CACNA1B: variants seen among roughly 807,000 people sequenced by gnomAD.
CACNA1B encodes the protein calcium voltage-gated channel subunit alpha1 B.
CACNA1B carries 70 observed loss-of-function variants against 247.2 expected under a neutral mutation model. The ratio of observed to expected loss-of-function variants is 0.28; its 90% CI spans 0.23 to 0.35. The LOEUF (loss-of-function observed/expected upper bound fraction) is 0.35. CACNA1B is among the 10% of genes least tolerant of loss of function. CACNA1B has a pLI of 1.00. For missense variants in CACNA1B, 2,367 were observed against 3,197.4 expected (o/e 0.74, Z 6.26); for synonymous variants, 1,231 against 1,294.4 (o/e 0.95, Z 1.05).
chr9:137,999,416 G>C (rs147766089), intron 15 of CACNA1B, among the ~76,000 whole-genome samples: 2 of 150,760 alleles, frequency 1.3e-5, no homozygotes, highest in Non-Finnish European at 3.0e-5. Context: ...ATTTAGAACT[G>C]AACAGTATCA....
chr9:138,094,457 A>AAG (rs1554757334), intron 36 of CACNA1B, among the ~76,000 whole-genome samples: 1 of 134,836 alleles, frequency 7.4e-6, no homozygotes, highest in Admixed American at 7.4e-5. Flanking sequence ...AAAAAAAAAA[A>AAG]AAGAAGAAGA....
intron 36 of CACNA1B, among the ~76,000 whole-genome samples, chr9:138,087,809 A>G (rs1487698110): frequency 6.6e-6 from 1 of 151,760 alleles, no homozygotes; most frequent in Non-Finnish European, 1.5e-5. Flanking sequence ...AACTTGAACC[A>G]GGGGCAGGGT....
Position 137,922,727 on chromosome 9 carries a change from G to A in CACNA1B, c.966+5296G>A, listed in dbSNP as rs114866106. Reference sequence around the variant, plus strand: ...ATTTAAGATAATTGTAGATTCACATGCAGTAGTGAGAAATACAGAAATAGC... The same window carrying A: ...ATTTAAGATAATTGTAGATTCACATACAGTAGTGAGAAATACAGAAATAGC... On this transcript the variant is annotated intron_variant, in intron 6 of 46. Transcript: ENST00000371372. Among the ~76,000 whole-genome samples the A allele has an allele frequency of 5.6e-3, 860 of 152,314 alleles. 6 individuals are homozygous for A. Among genetic ancestry groups the A allele is most frequent in the African/African-American group, 0.019 (807 of 41,560 alleles).
At chr9:137,885,568 C>T (rs111333558) in intron 3 of CACNA1B, among the ~76,000 whole-genome samples, 6,676 of 129,946 alleles carry the variant, frequency 0.051, 247 homozygotes, top group South Asian at 0.08. Context: ...CAGCTGGGGC[C>T]GCTCTGCTCC....
rs1487253419 is a variant in CACNA1B at position 138,054,915 on chromosome 9, G to A, written c.3968+909G>A. Among the ~76,000 whole-genome samples the A allele has an allele frequency of 1.3e-5, 2 of 152,150 alleles. No individual in the cohort carries two copies. The highest frequency in any genetic ancestry group is 2.9e-5 in the Non-Finnish European group (2 of 68,020). The stretch of plus-strand genomic sequence containing the variant: ...GAGATTGAGCCCCCTTTGCTAGGGG[G>A]ATTGGCCGCTTAGGTGTTCTTTTCT... On this transcript the variant is annotated intron_variant, in intron 26 of 46. Transcript: ENST00000371372. This position sits in a 1 kb window ranked among gnomAD's most constrained non-coding sequence, Gnocchi z 4.6.
chr9:137,997,446 A>T (rs572637994), intron 15 of CACNA1B, among the ~76,000 whole-genome samples: 2 of 152,356 alleles, frequency 1.3e-5, no homozygotes, highest in East Asian at 3.9e-4. Flanking sequence ...TTACATAGAA[A>T]AACATGAAAT....
chr9:138,084,736 G>C (rs1358808395), intron 36 of CACNA1B, among the ~76,000 whole-genome samples: 1 of 151,066 alleles, frequency 6.6e-6, no homozygotes, highest in East Asian at 2.0e-4. Flanking sequence ...TGGATCATGA[G>C]GTCAGGAGAT....
chr9:137,994,528 C>A (rs1958473524), intron 15 of CACNA1B, among the ~76,000 whole-genome samples: 1 of 152,182 alleles, frequency 6.6e-6, no homozygotes, highest in South Asian at 2.1e-4. Context: ...TTAATGTACA[C>A]AAATCAGTAG....
intron 31 of CACNA1B, among the ~76,000 whole-genome samples, chr9:138,067,704 A>G (rs1402792294): frequency 6.6e-6 from 1 of 152,212 alleles, no homozygotes; most frequent in South Asian, 2.1e-4. Context: ...TTCAAAACAT[A>G]TAAATAACCA....
intron 39 of CACNA1B, 72 bp from the exon 40 acceptor site, chr9:138,112,325 GC>G: frequency 4.8e-6 from 5 of 1,034,554 alleles, no homozygotes; most frequent in Non-Finnish European, 7.5e-6. Context: ...CACCAGCTCT[GC>G]CCCATTGGCG....
chr9:138,119,526 G>A (rs921817346), intron 44 of CACNA1B, among the ~76,000 whole-genome samples: 8 of 152,242 alleles, frequency 5.3e-5, no homozygotes, highest in African/African-American at 9.6e-5. Context: ...TCTGAACCTC[G>A]TCCGTGGCTC....
At chr9:138,017,007 G>A (rs1398202074) in intron 18 of CACNA1B, 3 of 430,086 alleles carry the variant, frequency 7.0e-6, no homozygotes, top group African/African-American at 2.0e-5. Flanking sequence ...TGACGGACGC[G>A]TCTGCGGCCT....
chr9:137,892,132 C>A (rs1353690929), intron 3 of CACNA1B: 1 of 457,002 alleles, frequency 2.2e-6, no homozygotes, highest in South Asian at 1.5e-5. Flanking sequence ...ACCACAAAGC[C>A]CAGCCTCTAC....
chr9:138,062,527 G>A (rs1959763521), intron 31 of CACNA1B, among the ~76,000 whole-genome samples: 1 of 152,192 alleles, frequency 6.6e-6, no homozygotes, highest in South Asian at 2.1e-4. Context: ...GGGTCTGACA[G>A]CACATCACTA....
chr9:138,057,982 A>G lies in CACNA1B; in HGVS notation c.4107-67A>G. ...GGAAGCAGACCCACCCTTGTGGTGC[A>G]GGTCTTGAGTTCTTAGGGCTGTCTC... is the stretch of plus-strand genomic sequence containing the variant. On this transcript the variant is annotated intron_variant, in intron 27 of 46. Transcript: ENST00000371372. This position sits in a 1 kb window ranked among gnomAD's most constrained non-coding sequence, Gnocchi z 4.0. 2 of 1,549,946 alleles carry G rather than the reference A, an allele frequency of 1.3e-6. No homozygotes were observed. The highest frequency in any genetic ancestry group is 1.1e-5 in the South Asian group (1 of 89,582).
chr9:138,009,995 G>A lies in CACNA1B; in HGVS notation c.2093-15G>A, dbSNP rs747670209. ...TGTGGGGCAGAGGTTCCCTTCCTCA[G>A]CTGGACCCAACCAGACACTCTGCTG... On this transcript the variant is annotated splice_polypyrimidine_tract_variant and intron_variant, in intron 16 of 46. Transcript: ENST00000371372. 6.2e-7 allele frequency: 1 copy of A among 1,611,406 alleles called. No individual in the cohort carries two copies. Among genetic ancestry groups the A allele is most frequent in the Admixed American group, 1.7e-5 (1 of 59,966 alleles).
At chr9:137,886,678 C>G (rs544298443) in intron 3 of CACNA1B, among the ~76,000 whole-genome samples, 1 of 150,244 alleles carries the variant, frequency 6.7e-6, no homozygotes, top group East Asian at 2.0e-4. Context: ...AGAGAGCAGT[C>G]GGCGGGTGGA....
Position 137,882,644 on chromosome 9 carries a change from G to A in CACNA1B, c.391-100G>A. 1.5e-6 allele frequency: 2 copies of A among 1,375,544 alleles called. No individual in the cohort carries two copies. The highest frequency in any genetic ancestry group is 2.0e-6 in the Non-Finnish European group (2 of 980,896). 85.2% of individuals were successfully genotyped at this position (1,375,544 alleles called of 1,614,324 possible). On this transcript the variant is annotated intron_variant, in intron 2 of 46. Coordinates refer to ENST00000371372, the MANE Select transcript of CACNA1B (RefSeq NM_000718.4). This position sits in a 1 kb window ranked among gnomAD's most constrained non-coding sequence, Gnocchi z 4.0. ...GGAGGGTCAGACCCTCACGATAGCT[G>A]TGGCCTGCACATGGTGGGGTGGGGT...
chr9:138,042,679 G>A (rs2606359), intron 20 of CACNA1B, among the ~76,000 whole-genome samples: 1 of 152,008 alleles, frequency 6.6e-6, no homozygotes, highest in Non-Finnish European at 1.5e-5. Context: ...GCTTGTGCTC[G>A]TGGGCAGGGG....
Sources: gnomAD v4.1 joint callset for allele counts (sites outside exome capture counted in the v4.1 genomes callset) on GRCh38, gnomAD v4.1.1 for gene constraint, Gnocchi (gnomAD v3.1) non-coding constraint, MANE v1.5 for transcripts, NCBI Gene and HGNC (gene_info 2026-07-23, HGNC 2026-07-21) for gene names.